The following PTPRD variants were observed in gnomAD, a reference collection of about 807,000 sequenced individuals.
PTPRD encodes the protein protein tyrosine phosphatase receptor type D.
PTPRD carries 34 observed loss-of-function variants against 214.5 expected under a neutral mutation model. That is an observed-to-expected ratio of 0.16 (90% CI 0.12 to 0.21). The LOEUF (loss-of-function observed/expected upper bound fraction) is 0.21, where lower values mean the gene tolerates loss of function less well. PTPRD is among the 10% of genes least tolerant of loss of function. The pLI, the probability that PTPRD is intolerant of heterozygous loss-of-function variation, is 1.00. For missense variants in PTPRD, 2,545 were observed against 2,398.7 expected, an observed-to-expected ratio of 1.06 and a Z score of -1.27; for synonymous variants, 1,128 against 845.7, an observed-to-expected ratio of 1.33 and a Z score of -5.79.
At chr9:9,689,592 T>C (rs374868726) in intron 7 of PTPRD, among the ~76,000 whole-genome samples, 4 of 151,904 alleles carry the variant, frequency 2.6e-5, no homozygotes, top group African/African-American at 9.7e-5. Flanking sequence ...TTATTTTTTC[T>C]AAGTGTATTT....
At chr9:10,148,967 A>G (rs942474706) in intron 3 of PTPRD, among the ~76,000 whole-genome samples, 1 of 152,192 alleles carries the variant, frequency 6.6e-6, no homozygotes, top group African/African-American at 2.4e-5. Context: ...ATATGTGAGA[A>G]CAGAAATGTG....
chr9:10,047,843 G>T (rs981978587), intron 3 of PTPRD, among the ~76,000 whole-genome samples: 2 of 152,096 alleles, frequency 1.3e-5, no homozygotes, highest in Non-Finnish European at 2.9e-5. Flanking sequence ...CAAAATTGGT[G>T]CAAGTGTGGT....
At chr9:8,910,183 C>T (rs1587859913) in intron 11 of PTPRD, among the ~76,000 whole-genome samples, 1 of 151,942 alleles carries the variant, frequency 6.6e-6, no homozygotes, top group Non-Finnish European at 1.5e-5. Flanking sequence ...GGACTACAGG[C>T]GCCCACAACC....
At chr9:9,877,959 G>C (rs2067382917) in intron 5 of PTPRD, among the ~76,000 whole-genome samples, 2 of 98,170 alleles carry the variant, frequency 2.0e-5, no homozygotes, top group East Asian at 3.5e-4. Flanking sequence ...GGCAACAATA[G>C]CAAAACTCCA....
intron 11 of PTPRD, among the ~76,000 whole-genome samples, chr9:8,767,797 C>G (rs895457475): frequency 6.6e-6 from 1 of 151,968 alleles, no homozygotes; most frequent in African/African-American, 2.4e-5. Flanking sequence ...TGAAACTTAC[C>G]AGGTGATTCC....
chr9:10,299,697 A>T (rs2095801657), intron 3 of PTPRD, among the ~76,000 whole-genome samples: 1 of 152,186 alleles, frequency 6.6e-6, no homozygotes, highest in South Asian at 2.1e-4. Flanking sequence ...GAGTCACTAC[A>T]GGTCATAACA....
intron 3 of PTPRD, among the ~76,000 whole-genome samples, chr9:10,280,993 G>C (rs1564994308): frequency 6.6e-6 from 1 of 152,274 alleles, no homozygotes; most frequent in Admixed American, 6.5e-5. Context: ...CACTGGTCTA[G>C]AAAGAAACAA....
intron 3 of PTPRD, among the ~76,000 whole-genome samples, chr9:10,253,751 T>A (rs2093000984): frequency 6.6e-6 from 1 of 152,160 alleles, no homozygotes; most frequent in Non-Finnish European, 1.5e-5. Flanking sequence ...AAAATGATTT[T>A]TTAAAATATA....
intron 11 of PTPRD, among the ~76,000 whole-genome samples, chr9:8,914,255 A>G (rs903945131): frequency 6.6e-6 from 1 of 152,164 alleles, no homozygotes; most frequent in Non-Finnish European, 1.5e-5. Flanking sequence ...AAAATAAATA[A>G]GGAAGAATGC....
At chr9:9,266,672 A>T (rs1267204139) in intron 9 of PTPRD, among the ~76,000 whole-genome samples, 1 of 151,366 alleles carries the variant, frequency 6.6e-6, no homozygotes, top group Admixed American at 6.6e-5. Flanking sequence ...ATAGGTTTAA[A>T]TAAATGGAAA....
At chr9:9,534,783 A>G (rs1228000844) in intron 8 of PTPRD, among the ~76,000 whole-genome samples, 1 of 145,524 alleles carries the variant, frequency 6.9e-6, no homozygotes, top group East Asian at 2.0e-4. Flanking sequence ...TTAGTTATCT[A>G]TGTCCTTCTT....
chr9:10,196,236 C>T (rs139463379), intron 3 of PTPRD, among the ~76,000 whole-genome samples: 2 of 152,120 alleles, frequency 1.3e-5, no homozygotes, highest in African/African-American at 2.4e-5. Context: ...ATCACCATTT[C>T]TCTCTGAGTT....
intron 9 of PTPRD, among the ~76,000 whole-genome samples, chr9:9,352,327 A>ATATATATATGTG (rs1555280411): frequency 1.5e-5 from 1 of 68,382 alleles, no homozygotes; most frequent in African/African-American, 4.4e-5. Flanking sequence ...ATATATATAT[A>ATATATATATGTG]TGTGTGTGTG....
chr9:10,537,604 C>A (rs560723275), intron 2 of PTPRD, among the ~76,000 whole-genome samples: 1 of 152,202 alleles, frequency 6.6e-6, no homozygotes, highest in South Asian at 2.1e-4. Flanking sequence ...TTCCTTCTAT[C>A]CATCAAAGTT....
rs576951498 is a variant in PTPRD, at chr9:9,217,001, CA to C, written c.-202-33639del. On this transcript the variant is annotated intron_variant, in intron 9 of 45. Coordinates refer to ENST00000381196, the MANE Select transcript of PTPRD (RefSeq NM_002839.4). ...CTGCGGGATTTTAAAGAGTAGAGGG[CA>C]AAAAAATTCAAAGAACCAATATGTT... Among the ~76,000 whole-genome samples, 195 of 151,850 alleles carry C rather than the reference CA, an allele frequency of 1.3e-3. 2 individuals are homozygous for C. Among genetic ancestry groups the C allele is most frequent in the African/African-American group, 4.3e-3 (177 of 41,436 alleles).
chr9:8,654,778 T>A (rs900722734), intron 12 of PTPRD, among the ~76,000 whole-genome samples: 61 of 152,330 alleles, frequency 4.0e-4, no homozygotes, highest in Non-Finnish European at 8.2e-4. Context: ...GTAATTGGTT[T>A]CCCTTCCTAT....
At chr9:8,873,875 A>G (rs1394743543) in intron 11 of PTPRD, among the ~76,000 whole-genome samples, 2 of 152,162 alleles carry the variant, frequency 1.3e-5, no homozygotes, top group East Asian at 3.9e-4. Context: ...ACTAACTGAC[A>G]GGCTGTCCCA....
intron 14 of PTPRD, among the ~76,000 whole-genome samples, chr9:8,584,185 AAAAAT>A (rs2093440023): frequency 6.6e-6 from 1 of 152,316 alleles, no homozygotes; most frequent in South Asian, 2.1e-4. Context: ...AAAGTAAAAT[AAAAAT>A]AAATAAGAAG....
intron 9 of PTPRD, among the ~76,000 whole-genome samples, chr9:9,313,723 T>A (rs1421951942): frequency 3.3e-5 from 5 of 152,170 alleles, no homozygotes; most frequent in African/African-American, 9.7e-5. Context: ...GGGCTTCTGA[T>A]AAAAATTTAT....
Sources: allele counts gnomAD v4.1 joint callset (sites outside exome capture counted in the v4.1 genomes callset), GRCh38; gene constraint gnomAD v4.1.1; transcripts MANE v1.5; gene names NCBI Gene and HGNC (gene_info 2026-07-23, HGNC 2026-07-21).